Variants in CNTN4 observed in about 807,000 individuals in gnomAD.
CNTN4 encodes the protein contactin-4.
In CNTN4, 77 loss-of-function variants were observed where a neutral mutation model predicts 122.5. That is an observed-to-expected ratio of 0.63 (90% confidence interval 0.52 to 0.76). The LOEUF (loss-of-function observed/expected upper bound fraction) is 0.76, where lower values mean the gene tolerates loss of function less well. Ranked by LOEUF, CNTN4 falls within the 30% of genes least tolerant of loss-of-function variation. The probability of loss-of-function intolerance (pLI) is 0.00; values close to 1 mark genes in which losing one functional copy is unlikely to be tolerated. For missense variants in CNTN4, 1,256 were observed against 1,259.1 expected, an observed-to-expected ratio of 1.00 and a Z score of 0.04; for synonymous variants, 512 against 447.0, an observed-to-expected ratio of 1.15 and a Z score of -1.83.
At chr3:2,977,899 TAC>T (rs1248056556) in intron 13 of CNTN4, among the ~76,000 whole-genome samples, 1 of 152,080 alleles carries the variant, frequency 6.6e-6, no homozygotes, top group Non-Finnish European at 1.5e-5. Flanking sequence ...GAAATTTGGA[TAC>T]AGAGGGAAGA....
chr3:2,547,555 A>G (rs1268522207), intron 3 of CNTN4, among the ~76,000 whole-genome samples: 1 of 152,084 alleles, frequency 6.6e-6, no homozygotes, highest in African/African-American at 2.4e-5. Flanking sequence ...GTGAGCCATC[A>G]TGCCTGGCCA....
Position 2,327,453 on chromosome 3 carries a change from A to ATTTAT in CNTN4, c.-144-11719_-144-11715dup, listed in dbSNP as rs568476053. 3.9e-5 allele frequency among the ~76,000 whole-genome samples: 6 copies of ATTTAT among 152,182 alleles called. 1 individual carries two copies. In the South Asian group the frequency reaches 1.2e-3, roughly 32 times the overall value. On this transcript the variant is annotated intron_variant, in intron 2 of 24. Transcript: ENST00000418658. ...TTGTAAACACATATGGATCTTTAAG[A>ATTTAT]TTTATTTTATATTTGTTTTAGCGTT...
At chr3:2,398,258 C>G (rs2046711795) in intron 3 of CNTN4, among the ~76,000 whole-genome samples, 4 of 151,840 alleles carry the variant, frequency 2.6e-5, no homozygotes, top group Admixed American at 2.6e-4. Context: ...ATAGATTGTG[C>G]CACATAATTT....
intron 3 of CNTN4, among the ~76,000 whole-genome samples, chr3:2,462,286 T>C (rs1308488385): frequency 6.6e-6 from 1 of 152,192 alleles, no homozygotes; most frequent in Non-Finnish European, 1.5e-5. Flanking sequence ...GGAATGTTAC[T>C]GTTTAGTATG....
intron 2 of CNTN4, among the ~76,000 whole-genome samples, chr3:2,129,990 C>A (rs188031707): frequency 6.6e-6 from 1 of 151,924 alleles, no homozygotes; most frequent in Non-Finnish European, 1.5e-5. Context: ...AAAACTATTT[C>A]TACTGTGAAC....
At chr3:2,353,850 G>T (rs1445667705) in intron 3 of CNTN4, among the ~76,000 whole-genome samples, 4 of 152,054 alleles carry the variant, frequency 2.6e-5, no homozygotes, top group Admixed American at 2.0e-4. Context: ...AGTGAGCCAA[G>T]ATGGCGCCAC....
At chr3:2,513,927 A>G (rs190853865) in intron 3 of CNTN4, among the ~76,000 whole-genome samples, 2 of 152,288 alleles carry the variant, frequency 1.3e-5, no homozygotes, top group African/African-American at 2.4e-5. Flanking sequence ...ATGAAAGAGA[A>G]TAAAGGAAAA....
At chr3:2,708,352 G>A (rs963989113) in intron 4 of CNTN4, among the ~76,000 whole-genome samples, 2 of 151,978 alleles carry the variant, frequency 1.3e-5, no homozygotes. Context: ...ATCCAAATAC[G>A]ACTTAAAAGG....
At chr3:2,695,629 A>G (rs562078439) in intron 4 of CNTN4, among the ~76,000 whole-genome samples, 53 of 152,210 alleles carry the variant, frequency 3.5e-4, no homozygotes, top group Non-Finnish European at 6.5e-4. Flanking sequence ...GGGATGTTAT[A>G]GAGAAGACGA....
At chr3:2,895,051 G>A (rs1275115664) in intron 10 of CNTN4, among the ~76,000 whole-genome samples, 5 of 152,110 alleles carry the variant, frequency 3.3e-5, no homozygotes, top group Non-Finnish European at 7.4e-5. Flanking sequence ...CCATGCTGGA[G>A]TACAGTGGTA....
intron 3 of CNTN4, among the ~76,000 whole-genome samples, chr3:2,553,264 G>A (rs1430226609): frequency 6.6e-6 from 1 of 152,142 alleles, no homozygotes; most frequent in African/African-American, 2.4e-5. Flanking sequence ...GAGAATGGTG[G>A]ACTGGGTTTG....
chr3:2,690,715 T>TA (rs1220751573), intron 4 of CNTN4, among the ~76,000 whole-genome samples: 1 of 152,166 alleles, frequency 6.6e-6, no homozygotes, highest in Non-Finnish European at 1.5e-5. Flanking sequence ...GCACATGGAC[T>TA]AAGAAAGACT....
intron 13 of CNTN4, among the ~76,000 whole-genome samples, chr3:2,954,831 T>C (rs1292920997): frequency 6.6e-6 from 1 of 152,174 alleles, no homozygotes; most frequent in Non-Finnish European, 1.5e-5. Flanking sequence ...TGGAAAATTT[T>C]GTTTAGATTT....
chr3:2,687,366 A>G (rs2085490120), intron 4 of CNTN4, among the ~76,000 whole-genome samples: 1 of 152,216 alleles, frequency 6.6e-6, no homozygotes, highest in African/African-American at 2.4e-5. Flanking sequence ...AATTTGCAAT[A>G]TCTGATAGAC....
At chr3:2,800,171 A>G (rs778920471) in intron 6 of CNTN4, among the ~76,000 whole-genome samples, 32 of 151,984 alleles carry the variant, frequency 2.1e-4, no homozygotes, top group Non-Finnish European at 4.6e-4. Flanking sequence ...TTTAAAAAAA[A>G]ATGAGAAATG....
chr3:2,841,365 A>G lies in CNTN4; in HGVS notation c.454+21784A>G, dbSNP rs1003472545. ...TATTATATCCTACAATCACTCATAT[A>G]TCTTTATTTTTCCAACTCTACCATC... On this transcript the variant is annotated intron_variant, in intron 7 of 24. Coordinates refer to ENST00000418658, the MANE Select transcript of CNTN4 (RefSeq NM_175607.3). This position sits in a 1 kb window ranked among gnomAD's most constrained non-coding sequence, Gnocchi z 4.8. 8.5e-5 allele frequency among the ~76,000 whole-genome samples: 13 copies of G among 152,318 alleles called. No homozygotes were observed. The highest frequency in any genetic ancestry group is 3.4e-3 in the Middle Eastern group (1 of 294).
intron 3 of CNTN4, among the ~76,000 whole-genome samples, chr3:2,407,040 T>C (rs2047062922): frequency 6.6e-6 from 1 of 152,196 alleles, no homozygotes; most frequent in African/African-American, 2.4e-5. Context: ...ATGAAGCAGA[T>C]ATTAAAATTA....
chr3:2,474,581 G>A lies in CNTN4; in HGVS notation c.-88-96835G>A, dbSNP rs568327446. Among the ~76,000 whole-genome samples the A allele has an allele frequency of 1.8e-3, 273 of 152,220 alleles. 2 individuals carry two copies. Among genetic ancestry groups the A allele is most frequent in the African/African-American group, 6.1e-3 (253 of 41,526 alleles). On this transcript the variant is annotated intron_variant, in intron 3 of 24. Transcript: ENST00000418658. ...ACCACACAATGATGATGAAGGTGGT[G>A]GTTGTAGTAGTAATAATGATAATAG...
At chr3:2,134,790 G>A (rs1012394949) in intron 2 of CNTN4, among the ~76,000 whole-genome samples, 9 of 152,268 alleles carry the variant, frequency 5.9e-5, no homozygotes, top group East Asian at 3.9e-4. Context: ...CAGCTTATGC[G>A]GCAGTCATGT....
Sources: allele counts gnomAD v4.1 joint callset (sites outside exome capture counted in the v4.1 genomes callset), GRCh38; gene constraint gnomAD v4.1.1; non-coding constraint Gnocchi (gnomAD v3.1); transcripts MANE v1.5; gene names NCBI Gene and HGNC (gene_info 2026-07-23, HGNC 2026-07-21).